Variants in ADAM10 observed in about 807,000 individuals in gnomAD.
ADAM10 encodes ADAM metallopeptidase domain 10.
A neutral mutation model predicts 90.1 loss-of-function variants in ADAM10; 17 were observed. The ratio of observed to expected loss-of-function variants is 0.19; its 90% CI spans 0.13 to 0.28. The LOEUF (loss-of-function observed/expected upper bound fraction) is 0.28. ADAM10 is among the 10% of genes least tolerant of loss of function. The pLI is 1.00. For missense variants in ADAM10, 610 were observed against 914.3 expected (o/e 0.67, Z 4.29); for synonymous variants, 310 against 298.6 (o/e 1.04, Z -0.40).
At chr15:58,632,773 C>CAATATA (rs1896138547) in intron 9 of ADAM10, among the ~76,000 whole-genome samples, 1 of 152,066 alleles carries the variant, frequency 6.6e-6, no homozygotes, top group Non-Finnish European at 1.5e-5. Context: ...TTTAAAATAT[C>CAATATA]AATCTCATTC....
intron 5 of ADAM10, among the ~76,000 whole-genome samples, chr15:58,647,376 T>C (rs1180845957): frequency 2.0e-5 from 3 of 147,526 alleles, no homozygotes; most frequent in Non-Finnish European, 4.5e-5. Flanking sequence ...TTCTCCTGCC[T>C]CAGCCTCCGG....
In ADAM10 at chr15:58,591,330, T is replaced by G. The variant is rs1185927149; in HGVS notation, c.*6217A>C. The G allele has an allele frequency of 6.6e-6, 1 of 152,236 alleles. No individual in the cohort carries two copies. The allele number at this position is 152,236 out of a possible 1,614,324, so 9.4% of individuals were successfully genotyped here. On this transcript the variant is annotated 3_prime_UTR_variant, in exon 16 of 16. Coordinates refer to ENST00000260408, the MANE Select transcript of ADAM10 (RefSeq NM_001110.4). Reference sequence around the variant, plus strand: ...AGTTTAATTCCACTAAAACAATCATTATGAAAATCATTATGAATACAGGTC... The same window carrying G: ...AGTTTAATTCCACTAAAACAATCATGATGAAAATCATTATGAATACAGGTC...
Position 58,729,624 on chromosome 15 carries a change from A to C in ADAM10, c.56-11897T>G, listed in dbSNP as rs111764780. Among the ~76,000 whole-genome samples, 1,420 of 152,316 alleles carry C rather than the reference A, an allele frequency of 9.3e-3. 14 individuals are homozygous for C. Among genetic ancestry groups the C allele is most frequent in the Middle Eastern group, 0.024 (7 of 294 alleles). On this transcript the variant is annotated intron_variant, in intron 1 of 15. Transcript: ENST00000260408. ...TGAGTATCCAAAAATCTGAAATCCA[A>C]AATGTTCCAAAATCTAAAATTTTTT...
intron 15 of ADAM10, among the ~76,000 whole-genome samples, chr15:58,598,197 C>A (rs1284310448): frequency 6.6e-6 from 1 of 152,166 alleles, no homozygotes; most frequent in African/African-American, 2.4e-5. Context: ...ATGTTTAACA[C>A]TTTTTGTGAG....
intron 4 of ADAM10, among the ~76,000 whole-genome samples, chr15:58,674,838 A>AAGTAT (rs1897275148): frequency 6.6e-6 from 1 of 152,232 alleles, no homozygotes; most frequent in Non-Finnish European, 1.5e-5. Context: ...AAGAAGAAAT[A>AAGTAT]AGTATAGGTA....
chr15:58,706,149 AG>A (rs1207599604), intron 2 of ADAM10, among the ~76,000 whole-genome samples: 8 of 152,320 alleles, frequency 5.3e-5, no homozygotes, highest in Non-Finnish European at 1.0e-4. Flanking sequence ...AACAAAATAC[AG>A]GGTGCATCCT....
chr15:58,655,730 T>TATA lies in ADAM10; in HGVS notation c.585+9364_585+9366dup, dbSNP rs1555414942. Reference sequence around the variant, plus strand: ...TATATAGTATATATATATATATATATATATATATATTCTTTTTTTTTTTTT... The same window carrying TATA: ...TATATAGTATATATATATATATATATATAATATATATATTCTTTTTTTTTTTTT... On this transcript the variant is annotated intron_variant, in intron 5 of 15. Coordinates refer to ENST00000260408, the MANE Select transcript of ADAM10 (RefSeq NM_001110.4). Among the ~76,000 whole-genome samples the TATA allele has an allele frequency of 4.5e-5, 5 of 110,090 alleles. No individual in the cohort carries two copies. The South Asian group carries it at 8.5e-4, about 19-fold the overall frequency. The allele number at this position is 110,090 out of a possible 152,430, so 72.2% of individuals were successfully genotyped here.
intron 2 of ADAM10, among the ~76,000 whole-genome samples, chr15:58,701,324 T>C (rs1223644242): frequency 6.6e-6 from 1 of 151,990 alleles, no homozygotes; most frequent in Non-Finnish European, 1.5e-5. Context: ...TTGGTTTGTG[T>C]CCTTTGAGAT....
intron 2 of ADAM10, chr15:58,692,347 G>T: frequency 1.7e-6 from 1 of 604,640 alleles, no homozygotes; most frequent in East Asian, 4.0e-5. Flanking sequence ...GGTCCAAATC[G>T]GCTTGGTCTG....
intron 12 of ADAM10, 88 bp downstream of exon 12, chr15:58,611,720 T>A: frequency 7.8e-7 from 1 of 1,289,156 alleles, no homozygotes; most frequent in Non-Finnish European, 1.1e-6. Context: ...GATTAATTAC[T>A]TTAACTATGT....
At chr15:58,741,195 T>G (rs998444902) in intron 1 of ADAM10, among the ~76,000 whole-genome samples, 1 of 152,210 alleles carries the variant, frequency 6.6e-6, no homozygotes, top group East Asian at 1.9e-4. Context: ...AAATCACATA[T>G]GCAAATTTGC....
chr15:58,691,832 T>C (rs1897817682), intron 2 of ADAM10, among the ~76,000 whole-genome samples: 1 of 151,692 alleles, frequency 6.6e-6, no homozygotes, highest in Admixed American at 6.6e-5. Flanking sequence ...ACAGGCGTTG[T>C]GCCCAGCTAA....
chr15:58,646,352 CTT>C, intron 5 of ADAM10, 148 bp from the exon 6 acceptor site: 2 of 817,796 alleles, frequency 2.4e-6, no homozygotes, highest in Non-Finnish European at 3.9e-6. Flanking sequence ...CATAAAATCA[CTT>C]TGTCTCATAA....
In ADAM10 at chr15:58,640,832, T is replaced by C; in HGVS notation, c.957A>G (p.Thr319=). The stretch of plus-strand genomic sequence containing the variant: ...GTACGCCATCATCAAAATCTCGGTC[T>C]GTGAAGACATAGGCCAAACAGTAGT... ...HDDYCLAYVF[T]DRDFDDGVLG... The change falls in exon 8 of 16, where the codon ACA becomes ACG. Residue 319 remains threonine, a synonymous_variant. Transcript: ENST00000260408. 1 of 1,614,190 alleles carries C rather than the reference T, an allele frequency of 6.2e-7. No individual in the cohort carries two copies. Among genetic ancestry groups the C allele is most frequent in the Non-Finnish European group, 8.5e-7 (1 of 1,180,022 alleles).
chr15:58,621,838 G>A (rs1895797026), intron 10 of ADAM10, among the ~76,000 whole-genome samples: 1 of 152,130 alleles, frequency 6.6e-6, no homozygotes, highest in Non-Finnish European at 1.5e-5. Context: ...TTCTCAATCT[G>A]TACAGTGAGA....
intron 4 of ADAM10, among the ~76,000 whole-genome samples, chr15:58,674,529 T>C (rs1167182628): frequency 6.6e-6 from 1 of 152,226 alleles, no homozygotes; most frequent in Non-Finnish European, 1.5e-5. Flanking sequence ...CTGTTATATG[T>C]GAATGATACA....
Position 58,596,662 on chromosome 15 carries a change from A to G in ADAM10, c.*885T>C, listed in dbSNP as rs1894960674. ...TAATTTCTATCAAAGCATGAATAAAATTTCACCTATTAATTGAAAAATGGA... is the reference window on the plus strand; with the variant it reads ...TAATTTCTATCAAAGCATGAATAAAGTTTCACCTATTAATTGAAAAATGGA... On this transcript the variant is annotated 3_prime_UTR_variant, in exon 16 of 16. Transcript: ENST00000260408. The G allele has an allele frequency of 6.6e-6, 1 of 152,372 alleles. No individual in the cohort carries two copies. The highest frequency in any genetic ancestry group is 6.5e-5 in the Admixed American group (1 of 15,286). 9.4% of individuals were successfully genotyped at this position (152,372 alleles called of 1,614,324 possible). A position where few individuals can be genotyped will look rare whatever the true frequency, so the allele number is the denominator to read the frequency against.
chr15:58,731,099 C>A (rs1899221434), intron 1 of ADAM10, among the ~76,000 whole-genome samples: 1 of 152,158 alleles, frequency 6.6e-6, no homozygotes, highest in East Asian at 1.9e-4. Flanking sequence ...TTGGTTCTGT[C>A]TCTCTGGAAA....
At chr15:58,621,364 C>A in intron 11 of ADAM10, 107 bp downstream of exon 11, 1 of 1,370,962 alleles carries the variant, frequency 7.3e-7, no homozygotes, top group African/African-American at 1.5e-5. Context: ...CAGATAAAAG[C>A]AAAGTTTCAA....
Sources: gnomAD v4.1 joint callset for allele counts (sites outside exome capture counted in the v4.1 genomes callset) on GRCh38, gnomAD v4.1.1 for gene constraint, MANE v1.5 for transcripts, NCBI Gene and HGNC (gene_info 2026-07-23, HGNC 2026-07-21) for gene names.